The following AKT3 variants were observed in gnomAD, a reference collection of about 807,000 sequenced individuals.
The protein encoded by AKT3 is RAC-gamma serine/threonine-protein kinase.
AKT3 carries 15 observed loss-of-function variants against 65.3 expected under a neutral mutation model. The observed-to-expected ratio is 0.23, with a 90% CI of 0.15 to 0.35. AKT3 has a LOEUF of 0.35. AKT3 is among the 10% of genes least tolerant of loss of function. The pLI, the probability that AKT3 is intolerant of heterozygous loss-of-function variation, is 1.00. For missense variants in AKT3, 243 were observed against 576.5 expected (o/e 0.42, Z 5.92); for synonymous variants, 206 against 183.8 (o/e 1.12, Z -0.98).
At chr1:243,720,492 A>T in intron 2 of AKT3, among the ~76,000 whole-genome samples, 1 of 151,678 alleles carries the variant, frequency 6.6e-6, no homozygotes, top group East Asian at 1.9e-4. Flanking sequence ...ATATAATTAA[A>T]AGCTAAGTAT....
At chr1:243,801,162 A>C (rs1692358275) in intron 2 of AKT3, among the ~76,000 whole-genome samples, 1 of 152,186 alleles carries the variant, frequency 6.6e-6, no homozygotes, top group African/African-American at 2.4e-5. Context: ...TTAAAATATA[A>C]GGTATGTTAT....
At chr1:243,813,561 G>A (rs1410423825) in intron 2 of AKT3, among the ~76,000 whole-genome samples, 4 of 151,748 alleles carry the variant, frequency 2.6e-5, no homozygotes, top group African/African-American at 7.3e-5. Context: ...TATAACGTTA[G>A]ATTTTTATTT....
intron 2 of AKT3, among the ~76,000 whole-genome samples, chr1:243,783,452 G>A (rs1233822661): frequency 1.3e-5 from 2 of 152,142 alleles, no homozygotes; most frequent in East Asian, 1.9e-4. Flanking sequence ...GGCCCCTTCT[G>A]TACCTCACCC....
intron 2 of AKT3, among the ~76,000 whole-genome samples, chr1:243,729,723 TTAAAAA>T (rs1164203404): frequency 2.6e-5 from 4 of 152,190 alleles, no homozygotes; most frequent in Non-Finnish European, 5.9e-5. Context: ...ATGTTGTATT[TTAAAAA>T]TAAAAATATG....
chr1:243,627,927 T>G (rs958763075), intron 6 of AKT3, among the ~76,000 whole-genome samples: 1 of 152,222 alleles, frequency 6.6e-6, no homozygotes, highest in East Asian at 1.9e-4. Context: ...ATTATCTAAG[T>G]TGCAGTGGCT....
At chr1:243,833,478 C>G (rs1325586440) in intron 2 of AKT3, among the ~76,000 whole-genome samples, 1 of 151,972 alleles carries the variant, frequency 6.6e-6, no homozygotes, top group Non-Finnish European at 1.5e-5. Context: ...CTCGATAACA[C>G]GAGAACAGCA....
intron 2 of AKT3, among the ~76,000 whole-genome samples, chr1:243,777,552 A>G (rs377435163): frequency 2.0e-5 from 3 of 152,228 alleles, no homozygotes; most frequent in Non-Finnish European, 1.5e-5. Context: ...GAAGTAACAT[A>G]TAAGTTGTCT....
intron 2 of AKT3, among the ~76,000 whole-genome samples, chr1:243,819,261 G>T (rs771223715): frequency 1.3e-4 from 20 of 152,230 alleles, no homozygotes; most frequent in Admixed American, 8.5e-4. Context: ...GCTCCGGAGG[G>T]GCAGCAGCCA....
At chr1:243,808,908 A>G (rs1692932408) in intron 2 of AKT3, among the ~76,000 whole-genome samples, 3 of 152,238 alleles carry the variant, frequency 2.0e-5, no homozygotes, top group Non-Finnish European at 2.9e-5. Context: ...TTTTCAATCC[A>G]GAATTTCACA....
chr1:243,710,872 A>C (rs2148073777), intron 2 of AKT3, among the ~76,000 whole-genome samples: 1 of 152,358 alleles, frequency 6.6e-6, no homozygotes, highest in African/African-American at 2.4e-5. Flanking sequence ...CATGAGGAGA[A>C]GAAATATTAT....
intron 2 of AKT3, among the ~76,000 whole-genome samples, chr1:243,805,384 C>T (rs1339948117): frequency 6.6e-6 from 1 of 152,118 alleles, no homozygotes; most frequent in Non-Finnish European, 1.5e-5. Flanking sequence ...CACACTAGCA[C>T]GTTCCCCTCT....
chr1:243,787,216 CTAGTAAGACAACA>C (rs1274551253), intron 2 of AKT3, among the ~76,000 whole-genome samples: 2 of 152,098 alleles, frequency 1.3e-5, no homozygotes, highest in African/African-American at 2.4e-5. Flanking sequence ...AAACTTTAAC[CTAGTAAGACAACA>C]TTTCAATGAG....
Position 243,809,249 on chromosome 1 carries a change from C to G in AKT3, c.46+33876G>C, listed in dbSNP as rs367992428. On this transcript the variant is annotated intron_variant, in intron 2 of 13. Transcript: ENST00000673466. ...GACACAGACTGGCAAATTGGATAAA[C>G]AGTCAAGACCCATCAGTGTGCTGTA... Among the ~76,000 whole-genome samples, 139 of 152,160 alleles carry G rather than the reference C, an allele frequency of 9.1e-4. No individual in the cohort carries two copies. In the South Asian group the frequency reaches 0.016, roughly 17 times the overall value.
At chr1:243,624,528 T>G (rs1679007057) in intron 6 of AKT3, 1 of 152,442 alleles carries the variant, frequency 6.6e-6, no homozygotes, top group Non-Finnish European at 1.5e-5. Flanking sequence ...AACAAACTCT[T>G]AAATCACCAT....
intron 2 of AKT3, among the ~76,000 whole-genome samples, chr1:243,795,449 G>GTTTT (rs1193523598): frequency 1.1e-5 from 1 of 93,504 alleles, no homozygotes; most frequent in Non-Finnish European, 2.1e-5. Flanking sequence ...TGATCTCCTT[G>GTTTT]TTTTTTTTTT....
chr1:243,850,272 C>G (rs1240558040), upstream of AKT3: 1 of 121,660 alleles, frequency 8.2e-6, no homozygotes, highest in Non-Finnish European at 1.8e-5. Flanking sequence ...GCCGGCCGGG[C>G]CGGGCCGCGG....
chr1:243,797,679 G>A (rs1692107063), intron 2 of AKT3, among the ~76,000 whole-genome samples: 1 of 151,924 alleles, frequency 6.6e-6, no homozygotes, highest in Non-Finnish European at 1.5e-5. Flanking sequence ...TTAAACAGTG[G>A]GGAAGGTATA....
chr1:243,547,047 A>G (rs1672721726), intron 11 of AKT3: 1 of 152,246 alleles, frequency 6.6e-6, no homozygotes, highest in East Asian at 1.9e-4. Flanking sequence ...TTTACAATGT[A>G]ATGAATCTGC....
At chr1:243,514,587 A>G (rs1178833012) in intron 12 of AKT3, among the ~76,000 whole-genome samples, 2 of 152,228 alleles carry the variant, frequency 1.3e-5, no homozygotes, top group African/African-American at 2.4e-5. Flanking sequence ...CCAATAAAAT[A>G]TAAGTTCCAC....
Sources: gnomAD v4.1 joint callset for allele counts (sites outside exome capture counted in the v4.1 genomes callset) on GRCh38, gnomAD v4.1.1 for gene constraint, MANE v1.5 for transcripts, NCBI Gene and HGNC (gene_info 2026-07-23, HGNC 2026-07-21) for gene names.